Variants in LIMCH1 observed in about 807,000 individuals in gnomAD.
LIMCH1 encodes the protein LIM and calponin homology domains-containing protein 1.
LIMCH1 carries 113 observed loss-of-function variants against 176.5 expected under a neutral mutation model. The observed-to-expected ratio is 0.64, with a 90% CI of 0.55 to 0.75. LIMCH1 has a LOEUF of 0.75. Among genes scored for constraint, LIMCH1 ranks in the 30% least tolerant of loss-of-function variants. The probability of loss-of-function intolerance (pLI) is 0.00; values close to 1 mark genes in which losing one functional copy is unlikely to be tolerated. For missense variants in LIMCH1, 1,674 were observed against 1,814.9 expected, an observed-to-expected ratio of 0.92 and a Z score of 1.41; for synonymous variants, 619 against 645.9, an observed-to-expected ratio of 0.96 and a Z score of 0.63.
At chr4:41,630,020 G>C (rs1283893198) in intron 9 of LIMCH1, among the ~76,000 whole-genome samples, 2 of 151,904 alleles carry the variant, frequency 1.3e-5, no homozygotes, top group African/African-American at 4.8e-5. Flanking sequence ...TGCCCATGCT[G>C]GTCTTGAACT....
chr4:41,527,973 CAATT>C, intron 3 of LIMCH1, among the ~76,000 whole-genome samples: 1 of 151,988 alleles, frequency 6.6e-6, no homozygotes, highest in South Asian at 2.1e-4. Context: ...ATTATTGAGA[CAATT>C]AGGGAAATTT....
chr4:41,674,245 C>T (rs1485078000), intron 22 of LIMCH1, among the ~76,000 whole-genome samples: 1 of 152,176 alleles, frequency 6.6e-6, no homozygotes, highest in Non-Finnish European at 1.5e-5. Context: ...CTGAGAGCAC[C>T]GCCTAGTGAA....
At chr4:41,445,321 G>A (rs1194574545) in intron 1 of LIMCH1, among the ~76,000 whole-genome samples, 1 of 152,078 alleles carries the variant, frequency 6.6e-6, no homozygotes, top group Non-Finnish European at 1.5e-5. Flanking sequence ...TTTATTAAAC[G>A]TGTAGGAAGC....
intron 1 of LIMCH1, among the ~76,000 whole-genome samples, chr4:41,440,352 T>C (rs1278779641): frequency 6.6e-6 from 1 of 152,210 alleles, no homozygotes; most frequent in Non-Finnish European, 1.5e-5. Context: ...AATGCTTTCC[T>C]CAAGAATAAA....
intron 1 of LIMCH1, among the ~76,000 whole-genome samples, chr4:41,493,303 T>G (rs2071437468): frequency 6.6e-6 from 1 of 152,202 alleles, no homozygotes; most frequent in South Asian, 2.1e-4. Flanking sequence ...TAGTATTTTT[T>G]ATGATCAATT....
At chr4:41,610,136 G>C (rs1025796068) in intron 4 of LIMCH1, among the ~76,000 whole-genome samples, 2 of 152,180 alleles carry the variant, frequency 1.3e-5, no homozygotes, top group Non-Finnish European at 2.9e-5. Context: ...CGGCCTCTCT[G>C]TTTTTCCTTC....
At chr4:41,491,110 C>T (rs2070805495) in intron 1 of LIMCH1, among the ~76,000 whole-genome samples, 2 of 151,084 alleles carry the variant, frequency 1.3e-5, no homozygotes, top group Non-Finnish European at 3.0e-5. Context: ...AGGCGCTCCT[C>T]ACCTCCCAGA....
At chr4:41,652,227 A>G (rs1032675695) in intron 18 of LIMCH1, among the ~76,000 whole-genome samples, 1 of 152,178 alleles carries the variant, frequency 6.6e-6, no homozygotes, top group Admixed American at 6.5e-5. Context: ...CTTTATGATT[A>G]GTCTTTTGAA....
At chr4:41,538,470 T>A in intron 1 of LIMCH1, 120 bp downstream of exon 1, 1 of 407,448 alleles carries the variant, frequency 2.5e-6, no homozygotes, top group Non-Finnish European at 3.3e-6. Context: ...CACTTATTAG[T>A]ATGGCGAAAA....
At chr4:41,419,897 C>A (rs1169079256) in intron 1 of LIMCH1, among the ~76,000 whole-genome samples, 1 of 151,668 alleles carries the variant, frequency 6.6e-6, no homozygotes. Flanking sequence ...GATATAACTT[C>A]GAACCAGATG....
At chr4:41,670,689 T>C in intron 21 of LIMCH1, 1 of 1,495,220 alleles carries the variant, frequency 6.7e-7, no homozygotes, top group African/African-American at 1.4e-5. Context: ...CATGGTTTTC[T>C]GTTTGTTCTG....
intron 20 of LIMCH1, 151 bp downstream of exon 20, chr4:41,663,135 G>A (rs1302037543): frequency 1.8e-5 from 2 of 113,926 alleles, no homozygotes; most frequent in Non-Finnish European, 1.6e-5. Context: ...TTTCTTTTTC[G>A]TGTGTGTGTG....
chr4:41,467,613 C>T (rs182386338), intron 1 of LIMCH1, among the ~76,000 whole-genome samples: 3 of 152,336 alleles, frequency 2.0e-5, no homozygotes, highest in Admixed American at 2.0e-4. Context: ...CACCGGGTCC[C>T]TCCCATGGGG....
At chr4:41,482,992 A>G (rs1284771523) in intron 1 of LIMCH1, among the ~76,000 whole-genome samples, 1 of 152,100 alleles carries the variant, frequency 6.6e-6, no homozygotes, top group Non-Finnish European at 1.5e-5. Flanking sequence ...GGTATAGGAT[A>G]CTCATATAGG....
chr4:41,491,474 A>G (rs2070985033), intron 1 of LIMCH1, among the ~76,000 whole-genome samples: 1 of 151,000 alleles, frequency 6.6e-6, no homozygotes, highest in Admixed American at 6.6e-5. Context: ...GCGACCGGGC[A>G]GAGGCGCTCC....
chr4:41,514,248 C>T (rs2075325363), intron 2 of LIMCH1, among the ~76,000 whole-genome samples: 1 of 151,962 alleles, frequency 6.6e-6, no homozygotes, highest in Admixed American at 6.6e-5. Flanking sequence ...TAACCCTTTG[C>T]CTGATGAAGA....
intron 3 of LIMCH1, chr4:41,604,206 T>G (rs1206240638): frequency 1.0e-6 from 1 of 984,974 alleles, no homozygotes; most frequent in Non-Finnish European, 1.2e-6. Flanking sequence ...AATACTAACA[T>G]TAGCCCCTTT....
intron 1 of LIMCH1, among the ~76,000 whole-genome samples, chr4:41,437,929 G>A (rs1180475517): frequency 6.6e-6 from 1 of 152,214 alleles, no homozygotes; most frequent in African/African-American, 2.4e-5. Flanking sequence ...TGTGGTTTAA[G>A]TCTGGACCCT....
At chr4:41,423,674 G>A (rs960229476) in intron 1 of LIMCH1, among the ~76,000 whole-genome samples, 20 of 152,148 alleles carry the variant, frequency 1.3e-4, no homozygotes, top group African/African-American at 4.3e-4. Flanking sequence ...AGTCCTCTAA[G>A]CAGATACATT....
Sources: allele counts gnomAD v4.1 joint callset (sites outside exome capture counted in the v4.1 genomes callset), GRCh38; gene constraint gnomAD v4.1.1; transcripts MANE v1.5; gene names NCBI Gene and HGNC (gene_info 2026-07-23, HGNC 2026-07-21).